Variants in SYT14 observed in about 807,000 individuals in gnomAD.
SYT14 encodes synaptotagmin-14.
In SYT14, 32 loss-of-function variants were observed where a neutral mutation model predicts 74.2. That is an observed-to-expected ratio of 0.43 (90% CI 0.33 to 0.58). SYT14 has a LOEUF of 0.58. Ranked by LOEUF, SYT14 falls within the 20% of genes least tolerant of loss-of-function variation. The probability of loss-of-function intolerance (pLI) is 0.05; values close to 1 mark genes in which losing one functional copy is unlikely to be tolerated. For missense variants in SYT14, 791 were observed against 981.8 expected, an observed-to-expected ratio of 0.81 and a Z score of 2.60; for synonymous variants, 298 against 337.7, an observed-to-expected ratio of 0.88 and a Z score of 1.29.
At chr1:209,973,378 C>A (rs1572091941) in intron 2 of SYT14, among the ~76,000 whole-genome samples, 1 of 152,052 alleles carries the variant, frequency 6.6e-6, no homozygotes, top group Admixed American at 6.5e-5. Context: ...CACCCCACAA[C>A]AGACCCCGGT....
At chr1:210,089,389 A>G (rs185699170) in intron 5 of SYT14, among the ~76,000 whole-genome samples, 2 of 152,342 alleles carry the variant, frequency 1.3e-5, no homozygotes, top group Non-Finnish European at 2.9e-5. Flanking sequence ...CTTTGCCTAT[A>G]TACCCAGTAA....
intron 2 of SYT14, among the ~76,000 whole-genome samples, chr1:210,000,917 T>C (rs2079889682): frequency 6.6e-6 from 1 of 152,160 alleles, no homozygotes; most frequent in Non-Finnish European, 1.5e-5. Flanking sequence ...TCTGCGTGCC[T>C]CATAGTTTTC....
intron 2 of SYT14, among the ~76,000 whole-genome samples, chr1:210,012,489 A>G (rs2080103692): frequency 1.3e-5 from 2 of 152,204 alleles, no homozygotes; most frequent in Admixed American, 1.3e-4. Context: ...TGTGGTATTG[A>G]ATATTGCGGA....
exon 6 of SYT14, chr1:210,094,474 A>G (rs369570321): frequency 1.2e-6 from 2 of 1,613,904 alleles, no homozygotes; most frequent in Non-Finnish European, 1.7e-6. Flanking sequence ...CAACAGTCCA[A>G]GATGCTCATA....
chr1:209,980,151 C>G (rs2079455214), intron 2 of SYT14, among the ~76,000 whole-genome samples: 1 of 152,140 alleles, frequency 6.6e-6, no homozygotes, highest in Non-Finnish European at 1.5e-5. Flanking sequence ...TATAGCTGTT[C>G]TTACTGGTGT....
chr1:210,122,334 A>G (rs1024114471), intron 7 of SYT14, among the ~76,000 whole-genome samples: 4 of 152,160 alleles, frequency 2.6e-5, no homozygotes, highest in Non-Finnish European at 4.4e-5. Flanking sequence ...CTTATGCCAC[A>G]TGTTTATTGT....
chr1:209,982,310 C>T (rs557126036), intron 2 of SYT14, among the ~76,000 whole-genome samples: 24 of 152,242 alleles, frequency 1.6e-4, no homozygotes, highest in Non-Finnish European at 2.9e-4. Context: ...CATGTGCCAC[C>T]GTGGCTGGCT....
exon 7 of SYT14, chr1:210,100,329 G>A (rs769850030): frequency 1.2e-6 from 2 of 1,614,026 alleles, no homozygotes; most frequent in Non-Finnish European, 1.7e-6. Context: ...ATGCAGTTCG[G>A]TTTAGACTGT....
intron 2 of SYT14, among the ~76,000 whole-genome samples, chr1:209,971,170 C>T (rs1421341668): frequency 6.6e-6 from 1 of 152,074 alleles, no homozygotes; most frequent in East Asian, 1.9e-4. Flanking sequence ...TTGTTCTTGG[C>T]TTGGCTCTCA....
intron 5 of SYT14, among the ~76,000 whole-genome samples, chr1:210,070,354 T>C (rs2102441498): frequency 6.6e-6 from 1 of 152,250 alleles, no homozygotes; most frequent in South Asian, 2.1e-4. Flanking sequence ...TTTAGAAAAT[T>C]AATCCCTTAT....
At chr1:210,021,122 T>C in exon 5 of SYT14, 1 of 1,614,018 alleles carries the variant, frequency 6.2e-7, no homozygotes, top group Non-Finnish European at 8.5e-7. Context: ...TGAGGCCTTA[T>C]CCAGAACACA....
chr1:210,013,490 T>C (rs185842080), intron 2 of SYT14, 143 bp from the exon 3 acceptor site: 116 of 791,918 alleles, frequency 1.5e-4, no homozygotes, highest in Middle Eastern at 1.1e-3. Flanking sequence ...GTTTTTCTTA[T>C]AAACGAAACT....
At position 209,981,914 on chromosome 1, in the gene SYT14, G is replaced by A. The variant is rs73068426; in HGVS notation, c.-486+29158G>A. The stretch of plus-strand genomic sequence containing the variant: ...TGCCTTTAAGATTTTTTTCTTTAGC[G>A]TTGACCTTGGACAGTCTGGTGACTA... On this transcript the variant is annotated intron_variant, in intron 2 of 9. Coordinates refer to ENST00000637265, the Ensembl canonical transcript of SYT14. Among the ~76,000 whole-genome samples, 995 of 151,934 alleles carry A rather than the reference G, an allele frequency of 6.5e-3. 14 individuals carry two copies. The highest frequency in any genetic ancestry group is 0.023 in the African/African-American group (946 of 41,440).
chr1:210,000,647 C>T lies in SYT14; in HGVS notation c.-485-12986C>T, dbSNP rs375903147. The stretch of plus-strand genomic sequence containing the variant: ...TTTTTTTTTTTGAGATAGAGTCTCA[C>T]TGTGTCACCCAGGCTGGAGTGCAGT... On this transcript the variant is annotated intron_variant, in intron 2 of 9. Transcript: ENST00000637265. 5.5e-4 allele frequency among the ~76,000 whole-genome samples: 67 copies of T among 121,350 alleles called. No homozygotes were observed. The East Asian group carries it at 0.019, about 34-fold the overall frequency. The allele number at this position is 121,350 out of a possible 152,430, so 79.6% of individuals were successfully genotyped here.
At chr1:210,164,060 G>A (rs1289428963) in exon 10 of SYT14, 1 of 453,410 alleles carries the variant, frequency 2.2e-6, no homozygotes, top group African/African-American at 2.0e-5. Flanking sequence ...CAAATGAGCT[G>A]CAAAAGATAA....
chr1:210,052,680 A>AAAAAAAAAAAAAAAAAAAAAAC (rs2081023305), intron 5 of SYT14, among the ~76,000 whole-genome samples: 1 of 150,114 alleles, frequency 6.7e-6, no homozygotes, highest in Non-Finnish European at 1.5e-5. Context: ...AAAAAAAAAA[A>AAAAAAAAAAAAAAAAAAAAAAC]AAAAGCTCTC....
intron 5 of SYT14, among the ~76,000 whole-genome samples, chr1:210,068,234 A>G (rs1474697699): frequency 1.3e-5 from 2 of 151,882 alleles, no homozygotes; most frequent in Non-Finnish European, 2.9e-5. Context: ...TGTGAATTAC[A>G]TTAAAAGATA....
chr1:209,961,871 A>G (rs1231517227), intron 2 of SYT14, among the ~76,000 whole-genome samples: 1 of 152,088 alleles, frequency 6.6e-6, no homozygotes, highest in African/African-American at 2.4e-5. Context: ...TGTTTCTATA[A>G]TTCATTTAAA....
chr1:209,974,738 A>G (rs1330954064), intron 2 of SYT14, among the ~76,000 whole-genome samples: 1 of 152,086 alleles, frequency 6.6e-6, no homozygotes, highest in Non-Finnish European at 1.5e-5. Flanking sequence ...GTTTTTTCCA[A>G]TTCTGTGAAG....
Sources: allele counts gnomAD v4.1 joint callset (sites outside exome capture counted in the v4.1 genomes callset), GRCh38; gene constraint gnomAD v4.1.1; transcripts MANE v1.5; gene names NCBI Gene and HGNC (gene_info 2026-07-23, HGNC 2026-07-21).